The following GREB1 variants were observed in gnomAD, a reference collection of about 807,000 sequenced individuals.
GREB1 encodes the protein growth regulating estrogen receptor binding 1.
A neutral mutation model predicts 200.7 loss-of-function variants in GREB1; 106 were observed. That is an observed-to-expected ratio of 0.53 (90% CI 0.45 to 0.62). The LOEUF (loss-of-function observed/expected upper bound fraction) is 0.62, where lower values mean the gene tolerates loss of function less well. Ranked by LOEUF, GREB1 falls within the 20% of genes least tolerant of loss-of-function variation. The pLI is 0.00. For missense variants in GREB1, 2,243 were observed against 2,556.8 expected (o/e 0.88, Z 2.65); for synonymous variants, 1,132 against 1,092.4 (o/e 1.04, Z -0.72).
intron 1 of GREB1, among the ~76,000 whole-genome samples, chr2:11,551,642 T>TATGCACTCTCCTGTCCC (rs1250766219): frequency 1.2e-4 from 18 of 152,274 alleles, no homozygotes; most frequent in Admixed American, 1.2e-3. Context: ...TTTTCGTGCC[T>TATGCACTCTCCTGTCCC]TTGCACTCTC....
intron 1 of GREB1, among the ~76,000 whole-genome samples, chr2:11,500,459 A>ATTTT (rs5829310): frequency 2.8e-5 from 4 of 141,624 alleles, no homozygotes; most frequent in African/African-American, 1.0e-4. Context: ...GTGCCTGGCC[A>ATTTT]TTTTTTTTTT....
At position 11,640,144 on chromosome 2, in the gene GREB1, C is replaced by T. The variant is rs1486847311; in HGVS notation, c.5687-147C>T. On this transcript the variant is annotated intron_variant, in intron 32 of 32. Coordinates refer to ENST00000381486, the MANE Select transcript of GREB1 (RefSeq NM_014668.4). The surrounding 1 kb of genome is among the most constrained non-coding windows in gnomAD (Gnocchi z 4.6). ...GTCTCGCTAAGATTGTACATCATCC[C>T]GAAAGAAGCAAGGGGCCGACTTGGA... The T allele has an allele frequency of 5.9e-6, 4 of 679,618 alleles. No homozygotes were observed. Among genetic ancestry groups the T allele is most frequent in the Admixed American group, 2.9e-5 (1 of 34,056 alleles). The allele number at this position is 679,618 out of a possible 1,614,324, so 42.1% of individuals were successfully genotyped here.
chr2:11,635,954 G>A (rs1243030499), intron 30 of GREB1, among the ~76,000 whole-genome samples: 1 of 152,178 alleles, frequency 6.6e-6, no homozygotes, highest in Non-Finnish European at 1.5e-5. Flanking sequence ...CCCCAGTCCC[G>A]TGGGCCAGAG....
rs116790332 is a variant in GREB1, at chr2:11,551,691, A to G, written c.-161-4763A>G. Among the ~76,000 whole-genome samples the G allele has an allele frequency of 3.8e-3, 583 of 152,138 alleles. 6 individuals are homozygous for G. The highest frequency in any genetic ancestry group is 0.013 in the African/African-American group (554 of 41,512). On this transcript the variant is annotated intron_variant, in intron 1 of 32. Coordinates refer to ENST00000381486, the MANE Select transcript of GREB1 (RefSeq NM_014668.4). ...AAATGCTGTTCTTAGTTTTTTTTCC[A>G]AAGACATCCTACTCAGTGGTCTAGT...
At position 11,634,135 on chromosome 2, in the gene GREB1, T is replaced by A; in HGVS notation, c.4996T>A (p.Phe1666Ile). The A allele has an allele frequency of 6.2e-7, 1 of 1,614,062 alleles. No individual in the cohort carries two copies. Among genetic ancestry groups the A allele is most frequent in the Non-Finnish European group, 8.5e-7 (1 of 1,179,986 alleles). Residue 1666 changes from phenylalanine to isoleucine, a missense_variant, in exon 29 of 33, where the codon TTC becomes ATC. This residue lies in a region of GREB1 where 478 missense variants were observed against 616.3 expected (regional missense o/e 0.78). Coordinates refer to ENST00000381486, the MANE Select transcript of GREB1 (RefSeq NM_014668.4). ...VNSAGERSRE[F>I]SWSERNVSLK... is the part of the protein sequence containing the mutation. ...CACTCTCCCTCCTTGGAGCAGGGAG[T>A]TCTCCTGGTCGGAAAGGAACGTGTC...
At chr2:11,539,644 G>T (rs1272971914) in intron 1 of GREB1, among the ~76,000 whole-genome samples, 1 of 152,158 alleles carries the variant, frequency 6.6e-6, no homozygotes, top group Non-Finnish European at 1.5e-5. Context: ...TTAACTGTTG[G>T]TGGTTAGACA....
intron 25 of GREB1, 51 bp downstream of exon 25, chr2:11,627,155 C>T (rs371001957): frequency 8.5e-5 from 127 of 1,489,482 alleles, no homozygotes; most frequent in Admixed American, 1.3e-4. Flanking sequence ...TCACATTGTC[C>T]GTTCCCCTGC....
At chr2:11,616,186 C>T (rs976460674) in intron 20 of GREB1, among the ~76,000 whole-genome samples, 4 of 152,268 alleles carry the variant, frequency 2.6e-5, no homozygotes, top group African/African-American at 9.6e-5. Flanking sequence ...GTTAAACTTG[C>T]AGTGGCCGGG....
chr2:11,566,259 C>A (rs1026293930), intron 3 of GREB1, among the ~76,000 whole-genome samples: 1 of 152,148 alleles, frequency 6.6e-6, no homozygotes, highest in Admixed American at 6.5e-5. Flanking sequence ...TCAAGTGATC[C>A]TCCCGACTTG....
At chr2:11,598,999 G>T (rs1412962091) in intron 15 of GREB1, 139 bp downstream of exon 15, 1 of 719,714 alleles carries the variant, frequency 1.4e-6, no homozygotes, top group Admixed American at 2.2e-5. Context: ...AGATGCCATG[G>T]AGGTTTCCCA....
At chr2:11,526,108 G>A (rs140274548) in intron 1 of GREB1, among the ~76,000 whole-genome samples, 91 of 152,200 alleles carry the variant, frequency 6.0e-4, no homozygotes, top group African/African-American at 2.1e-3. Context: ...ATCCATAGAG[G>A]GCTTGAGTTC....
At chr2:11,615,028 A>G (rs1683287215) in intron 19 of GREB1, 63 bp from the exon 20 acceptor site, 4 of 1,255,308 alleles carry the variant, frequency 3.2e-6, no homozygotes, top group South Asian at 2.4e-5. Context: ...TGCCTGCCGC[A>G]GTGGGAACAG....
intron 1 of GREB1, among the ~76,000 whole-genome samples, chr2:11,514,560 G>A (rs1673435248): frequency 6.6e-6 from 1 of 152,242 alleles, no homozygotes; most frequent in Non-Finnish European, 1.5e-5. Context: ...AGCCAAAGAG[G>A]AGGGGTGTTG....
intron 17 of GREB1, among the ~76,000 whole-genome samples, chr2:11,607,585 C>T (rs1337938797): frequency 9.7e-6 from 1 of 102,608 alleles, no homozygotes; most frequent in East Asian, 2.5e-4. Context: ...CACATATATA[C>T]ATATATACAT....
Position 11,627,093 on chromosome 2 carries a change from C to T in GREB1, c.4438C>T (p.Pro1480Ser), listed in dbSNP as rs751953756. ...GTGCCACCAGTACATGGGCTTCCAC[C>T]CCCGCTACCAGGTAGGCCCCAGCAG... ...EQCHQYMGFHPRYQLYESTLH... is the reference protein window; with the variant it reads ...EQCHQYMGFHSRYQLYESTLH... The change falls in exon 25 of 33, where the codon CCC becomes TCC. Residue 1480 changes from proline (P) to serine (S), a missense_variant. Pro to Ser is a moderately conservative substitution (Grantham distance 74). This residue lies in a region of GREB1 where 587 missense variants were observed against 553.1 expected (regional missense o/e 1.06). Coordinates refer to ENST00000381486, the MANE Select transcript of GREB1 (RefSeq NM_014668.4). 23 of 1,596,164 alleles carry T rather than the reference C, an allele frequency of 1.4e-5. No homozygotes were observed. The highest frequency in any genetic ancestry group is 1.9e-5 in the Non-Finnish European group (22 of 1,169,512).
intron 17 of GREB1, among the ~76,000 whole-genome samples, chr2:11,607,625 T>TATAC (rs1553373822): frequency 3.5e-4 from 48 of 137,952 alleles, no homozygotes; most frequent in African/African-American, 1.4e-3. Flanking sequence ...TATATGCATA[T>TATAC]ATATACATAT....
At chr2:11,608,536 C>T (rs1448207885) in intron 17 of GREB1, among the ~76,000 whole-genome samples, 1 of 152,166 alleles carries the variant, frequency 6.6e-6, no homozygotes, top group Non-Finnish European at 1.5e-5. Context: ...TTTTGTGATA[C>T]AACTAAGTTA....
intron 17 of GREB1, among the ~76,000 whole-genome samples, chr2:11,604,447 G>A (rs7571803): frequency 0.34 from 51,835 of 152,054 alleles, 10,961 homozygotes; most frequent in East Asian, 0.53. Flanking sequence ...TTGGCTGCTA[G>A]CACCACCACC....
intron 16 of GREB1, among the ~76,000 whole-genome samples, chr2:11,601,215 C>T (rs575039590): frequency 5.3e-5 from 8 of 152,290 alleles, no homozygotes; most frequent in African/African-American, 1.9e-4. Context: ...AGATGTAATG[C>T]AGTTTGTGGG....
Sources: gnomAD v4.1 joint callset for allele counts (sites outside exome capture counted in the v4.1 genomes callset) on GRCh38, gnomAD v4.1.1 for gene constraint, gnomAD v4.1.1 regional missense constraint, Gnocchi (gnomAD v3.1) non-coding constraint, MANE v1.5 for transcripts, NCBI Gene and HGNC (gene_info 2026-07-23, HGNC 2026-07-21) for gene names.